LIPK: variants seen among roughly 807,000 people sequenced by gnomAD.
LIPK encodes lipase member K.
Under a neutral mutation model 48.6 loss-of-function variants are expected in LIPK, and 32 were observed. The ratio of observed to expected loss-of-function variants is 0.66; its 90% CI spans 0.50 to 0.88. The LOEUF (loss-of-function observed/expected upper bound fraction) is 0.88, where lower values mean the gene tolerates loss of function less well. Ranked by LOEUF, LIPK falls within the 40% of genes least tolerant of loss-of-function variation. The probability of loss-of-function intolerance (pLI) is 0.00; values close to 1 mark genes in which losing one functional copy is unlikely to be tolerated. For missense variants in LIPK, 507 were observed against 478.5 expected (o/e 1.06, Z -0.56); for synonymous variants, 164 against 157.4 (o/e 1.04, Z -0.32).
intron 1 of LIPK, among the ~76,000 whole-genome samples, chr10:88,716,356 C>CTTTTTTTTTTTTTTTTTTTTTTTTTT (rs11374780): frequency 8.3e-6 from 1 of 120,340 alleles, no homozygotes; most frequent in Non-Finnish European, 1.7e-5. Context: ...AGGAAAATTT[C>CTTTTTTTTTTTTTTTTTTTTTTTTTT]TTTTTTTTTT....
chr10:88,724,606 C>T lies in LIPK; in HGVS notation c.63C>T (p.Asp21=), dbSNP rs768616525. 3 of 1,605,864 alleles carry T rather than the reference C, an allele frequency of 1.9e-6. No individual in the cohort carries two copies. Among genetic ancestry groups the T allele is most frequent in the Non-Finnish European group, 2.5e-6 (3 of 1,177,382 alleles). ...TTCTTGGATCTATGTATGGTTATGACAAGAAAGGAAACAATGCAAACCCTG... is the reference window on the plus strand; with the variant it reads ...TTCTTGGATCTATGTATGGTTATGATAAGAAAGGAAACAATGCAAACCCTG... ...MLLLGSMYGY[D]KKGNNANPEA... is the part of the protein sequence containing the mutation. Residue 21 remains aspartate (D), a synonymous_variant, in exon 2 of 10, where the codon GAC becomes GAT. Transcript: ENST00000404190.
intron 6 of LIPK, among the ~76,000 whole-genome samples, chr10:88,737,057 G>C (rs1842586542): frequency 1.3e-5 from 2 of 152,204 alleles, no homozygotes; most frequent in Non-Finnish European, 1.5e-5. Context: ...ATTCATTTAT[G>C]TGGGTTAAGC....
chr10:88,750,210 G>A (rs997952887), intron 9 of LIPK, among the ~76,000 whole-genome samples: 5 of 152,196 alleles, frequency 3.3e-5, no homozygotes, highest in Admixed American at 2.0e-4. Flanking sequence ...TGGTGGGAAT[G>A]TAAATTAATT....
intron 1 of LIPK, among the ~76,000 whole-genome samples, chr10:88,722,502 G>T (rs1426937928): frequency 1.3e-5 from 2 of 152,290 alleles, no homozygotes; most frequent in Non-Finnish European, 2.9e-5. Flanking sequence ...AATGCAGATT[G>T]CTGGGCCAAG....
intron 9 of LIPK, among the ~76,000 whole-genome samples, chr10:88,748,609 T>G (rs910819875): frequency 1.5e-5 from 2 of 133,978 alleles, no homozygotes; most frequent in African/African-American, 5.7e-5. Context: ...AGAGCAAGAC[T>G]CCGTCTCAAA....
chr10:88,748,342 C>A (rs902901283), intron 9 of LIPK, among the ~76,000 whole-genome samples: 1 of 152,082 alleles, frequency 6.6e-6, no homozygotes, highest in Non-Finnish European at 1.5e-5. Flanking sequence ...ATATGTACAC[C>A]TATGTAACAA....
chr10:88,711,271 A>G (rs1460267938), intron 1 of LIPK, among the ~76,000 whole-genome samples: 3 of 152,124 alleles, frequency 2.0e-5, no homozygotes, highest in Non-Finnish European at 4.4e-5. Context: ...CATATATTTT[A>G]ATGTGAATAA....
chr10:88,710,681 C>T (rs1842011974), intron 1 of LIPK, among the ~76,000 whole-genome samples: 3 of 152,258 alleles, frequency 2.0e-5, no homozygotes, highest in South Asian at 4.1e-4. Context: ...GAGTAGTAAG[C>T]ATTCCATTAC....
chr10:88,744,861 G>A (rs1842740397), intron 9 of LIPK, among the ~76,000 whole-genome samples: 2 of 152,154 alleles, frequency 1.3e-5, no homozygotes, highest in African/African-American at 4.8e-5. Context: ...TTGAAACTCA[G>A]TCCAAGGAAT....
At chr10:88,722,600 G>A (rs1842248689) in intron 1 of LIPK, among the ~76,000 whole-genome samples, 1 of 152,142 alleles carries the variant, frequency 6.6e-6, no homozygotes, top group Non-Finnish European at 1.5e-5. Context: ...TGTTTTTCAT[G>A]GTGATTATGA....
In LIPK at chr10:88,737,769, A is replaced by G. The variant is rs752100373; in HGVS notation, c.804A>G (p.Gln268=). The change falls in exon 7 of 10, where the codon CAA becomes CAG. Residue 268 remains glutamine (Q), a synonymous_variant. Coordinates refer to ENST00000404190, the MANE Select transcript of LIPK (RefSeq NM_001080518.2). ...TTACTCTGAGTGGATTTGATCCGCA[A>G]AACTTAAATATGGTAGGTGTAAGTA... The part of the protein sequence containing the change: ...FLFTLSGFDP[Q]NLNMSRLDVY... The G allele has an allele frequency of 6.2e-7, 1 of 1,613,796 alleles. No homozygotes were observed. The highest frequency in any genetic ancestry group is 8.5e-7 in the Non-Finnish European group (1 of 1,179,730).
chr10:88,737,415 G>A (rs989650048), intron 6 of LIPK, among the ~76,000 whole-genome samples: 6 of 152,050 alleles, frequency 3.9e-5, no homozygotes, highest in Non-Finnish European at 7.4e-5. Context: ...GTTTCTCAAG[G>A]GGCATTCTAA....
Position 88,729,255 on chromosome 10 carries a change from G to GGGGT in LIPK, c.224-1725_224-1724insTGGG, listed in dbSNP as rs1554955640. On this transcript the variant is annotated intron_variant, in intron 3 of 9. Transcript: ENST00000404190. ...CGCAATGCAGGTGGCTATCTGTTGG[G>GGGGT]GGGGGGGGGCGGGGGAAGAGCAATT... is the stretch of plus-strand genomic sequence containing the variant. 3.4e-3 allele frequency among the ~76,000 whole-genome samples: 418 copies of GGGGT among 123,326 alleles called. 22 individuals carry two copies. The highest frequency in any genetic ancestry group is 5.1e-3 in the Non-Finnish European group (289 of 56,946). 80.9% of individuals were successfully genotyped at this position (123,326 alleles called of 152,430 possible).
At chr10:88,710,891 G>A (rs1394735275) in intron 1 of LIPK, among the ~76,000 whole-genome samples, 2 of 152,130 alleles carry the variant, frequency 1.3e-5, no homozygotes, top group Admixed American at 1.3e-4. Flanking sequence ...GAGTCACTGT[G>A]ATATTATAAA....
At chr10:88,752,450 A>G in intron 9 of LIPK, 67 bp from the exon 10 acceptor site, 1 of 1,159,952 alleles carries the variant, frequency 8.6e-7, no homozygotes, top group East Asian at 2.6e-5. Flanking sequence ...AACAGCTGAC[A>G]GTTAATGTTA....
chr10:88,740,203 C>A, intron 8 of LIPK, 136 bp downstream of exon 8: 1 of 484,212 alleles, frequency 2.1e-6, no homozygotes, highest in South Asian at 4.5e-5. Context: ...AGCATCAACT[C>A]TTCATTTTTA....
chr10:88,743,543 G>T (rs550771782), intron 9 of LIPK, among the ~76,000 whole-genome samples: 9 of 151,248 alleles, frequency 6.0e-5, no homozygotes, highest in Admixed American at 4.6e-4. Flanking sequence ...TTTTTCAGAG[G>T]TTCAGAGAGG....
At chr10:88,722,247 G>T (rs930634154) in intron 1 of LIPK, among the ~76,000 whole-genome samples, 2 of 152,074 alleles carry the variant, frequency 1.3e-5, no homozygotes, top group African/African-American at 2.4e-5. Flanking sequence ...GTGAGCCGGG[G>T]TCGCACCATT....
intron 2 of LIPK, among the ~76,000 whole-genome samples, chr10:88,725,582 T>G (rs1399546970): frequency 6.6e-6 from 1 of 152,228 alleles, no homozygotes; most frequent in African/African-American, 2.4e-5. Flanking sequence ...AGCTTTGGAG[T>G]TAAACTTACT....
Sources: gnomAD v4.1 joint callset for allele counts (sites outside exome capture counted in the v4.1 genomes callset) on GRCh38, gnomAD v4.1.1 for gene constraint, MANE v1.5 for transcripts, NCBI Gene and HGNC (gene_info 2026-07-23, HGNC 2026-07-21) for gene names.